The following CNST variants were observed in gnomAD, a reference collection of about 807,000 sequenced individuals.
The protein encoded by CNST is consortin, connexin sorting protein, also known as consortin.
In CNST, 39 loss-of-function variants were observed where a neutral mutation model predicts 72.4. The ratio of observed to expected loss-of-function variants is 0.54; its 90% CI spans 0.42 to 0.70. The LOEUF (loss-of-function observed/expected upper bound fraction) is 0.70, where lower values mean the gene tolerates loss of function less well. Among genes scored for constraint, CNST ranks in the 30% least tolerant of loss-of-function variants. CNST has a pLI of 0.00. For synonymous variants in CNST, 332 were observed against 320.1 expected (o/e 1.04, Z -0.40); for missense variants, 871 against 868.5 (o/e 1.00, Z -0.04).
chr1:246,652,678 A>G (rs1223217930), intron 9 of CNST, among the ~76,000 whole-genome samples: 1 of 152,158 alleles, frequency 6.6e-6, no homozygotes, highest in East Asian at 1.9e-4. Flanking sequence ...AATCTGAGGA[A>G]GAAGCCCTGT....
chr1:246,622,809 T>C (rs1346809848), intron 3 of CNST, among the ~76,000 whole-genome samples: 1 of 151,970 alleles, frequency 6.6e-6, no homozygotes, highest in East Asian at 1.9e-4. Context: ...TCTTATTTTT[T>C]ATTGTATTGT....
chr1:246,583,126 G>C (rs1227506047), intron 1 of CNST, among the ~76,000 whole-genome samples: 1 of 152,204 alleles, frequency 6.6e-6, no homozygotes, highest in Non-Finnish European at 1.5e-5. Flanking sequence ...ACCTTCATGA[G>C]TATTTTGTGT....
chr1:246,610,479 A>T (rs79816787), intron 2 of CNST, among the ~76,000 whole-genome samples: 1 of 151,996 alleles, frequency 6.6e-6, no homozygotes, highest in African/African-American at 2.4e-5. Context: ...TTTTCTGTCT[A>T]TGTATTTCTT....
chr1:246,571,515 A>G (rs1000361490), intron 1 of CNST, among the ~76,000 whole-genome samples: 1 of 152,144 alleles, frequency 6.6e-6, no homozygotes, highest in Non-Finnish European at 1.5e-5. Context: ...ACTTTTTGCC[A>G]TTATACCCTC....
chr1:246,582,356 CTT>C (rs35015648), intron 1 of CNST, among the ~76,000 whole-genome samples: 91 of 144,490 alleles, frequency 6.3e-4, no homozygotes, highest in Admixed American at 6.2e-4. Flanking sequence ...CACCTCCATG[CTT>C]TTTTTTTTTT....
At chr1:246,615,238 C>T (rs900938094) in intron 2 of CNST, among the ~76,000 whole-genome samples, 4 of 152,126 alleles carry the variant, frequency 2.6e-5, no homozygotes, top group Admixed American at 6.5e-5. Context: ...CGCAGTGGCG[C>T]GATCTCGGCT....
chr1:246,566,500 G>C lies in CNST; in HGVS notation c.-215G>C. The C allele has an allele frequency of 2.3e-6, 1 of 438,066 alleles. No individual in the cohort carries two copies. The allele number at this position is 438,066 out of a possible 1,614,324, so 27.1% of individuals were successfully genotyped here. On this transcript the variant is annotated 5_prime_UTR_variant, in exon 1 of 11. Coordinates refer to ENST00000366513, the MANE Select transcript of CNST (RefSeq NM_152609.3). The stretch of plus-strand genomic sequence containing the variant: ...CTCCAGCCGGCCAGCCGCGAGGGGT[G>C]CGCAGAGGGAGGCGGGGCGGAAAGG...
At chr1:246,648,086 C>A (rs752014841) in intron 9 of CNST, 49 bp downstream of exon 9, 9 of 1,540,794 alleles carry the variant, frequency 5.8e-6, no homozygotes, top group Non-Finnish European at 7.8e-6. Context: ...ATTTAAAAAA[C>A]ATATATATGT....
chr1:246,635,970 G>A (rs1665200119), intron 6 of CNST, among the ~76,000 whole-genome samples: 2 of 152,200 alleles, frequency 1.3e-5, no homozygotes, highest in South Asian at 4.1e-4. Context: ...GGAAGCTAGT[G>A]CTAAGGTAGC....
At chr1:246,617,034 C>T (rs886265665) in intron 2 of CNST, among the ~76,000 whole-genome samples, 4 of 152,156 alleles carry the variant, frequency 2.6e-5, no homozygotes, top group African/African-American at 7.2e-5. Flanking sequence ...TGTCAACTCA[C>T]AGCACATCAG....
chr1:246,591,736 G>A lies in CNST; in HGVS notation c.174G>A (p.Met58Ile), dbSNP rs775669079. Residue 58 changes from methionine to isoleucine, a missense_variant, in exon 2 of 11, where the codon ATG becomes ATA. By Grantham distance (10) the Met-to-Ile change is conservative. Coordinates refer to ENST00000366513, the MANE Select transcript of CNST (RefSeq NM_152609.3). Reference sequence around the variant, plus strand: ...ATCTGACCAGCAGTGACAGTGCGATGGGAAAGCCCCAAGTGTCTGAGCAGG... The same window carrying A: ...ATCTGACCAGCAGTGACAGTGCGATAGGAAAGCCCCAAGTGTCTGAGCAGG... ...HEHLTSSDSA[M>I]GKPQVSEQDS... 4 of 1,614,186 alleles carry A rather than the reference G, an allele frequency of 2.5e-6. No homozygotes were observed. Among genetic ancestry groups the A allele is most frequent in the South Asian group, 1.1e-5 (1 of 91,084 alleles).
Position 246,621,445 on chromosome 1 carries a change from T to TA in CNST, c.397dup (p.Ile133AsnfsTer18). On this transcript the variant is annotated frameshift_variant, in exon 3 of 11. Transcript: ENST00000366513. LOFTEE classifies it high-confidence loss of function. ...TTCTTAAAGGACTTTTTTCAGGAGA[T>TA]ATTGCACCTTTAATGCAAGAAAAAG... is the stretch of plus-strand genomic sequence containing the variant. The TA allele has an allele frequency of 6.2e-7, 1 of 1,613,550 alleles. No homozygotes were observed. The highest frequency in any genetic ancestry group is 8.5e-7 in the Non-Finnish European group (1 of 1,179,658).
At position 246,651,494 on chromosome 1, in the gene CNST, G is replaced by C. The variant is rs539923476; in HGVS notation, c.1836+3457G>C. Among the ~76,000 whole-genome samples the C allele has an allele frequency of 2.6e-5, 4 of 152,248 alleles. No individual in the cohort carries two copies. In the South Asian group the frequency reaches 8.3e-4, roughly 32 times the overall value. On this transcript the variant is annotated intron_variant, in intron 9 of 10. Transcript: ENST00000366513. ...CCCAGCCTTGGCTCCAGTGGAATTTGGTTTTGATCATCATTGCCAGCCCAG... is the reference window on the plus strand; with the variant it reads ...CCCAGCCTTGGCTCCAGTGGAATTTCGTTTTGATCATCATTGCCAGCCCAG...
intron 2 of CNST, among the ~76,000 whole-genome samples, chr1:246,592,860 T>C (rs1333550984): frequency 6.6e-6 from 1 of 152,240 alleles, no homozygotes; most frequent in Non-Finnish European, 1.5e-5. Context: ...AGTTGAAGTT[T>C]AGAGCTATGG....
In CNST at chr1:246,647,962, T is replaced by A; in HGVS notation, c.1761T>A (p.Ser587Arg). The change falls in exon 9 of 11, where the codon AGT (serine) becomes AGA (arginine). Residue 587 changes from serine to arginine, a missense_variant. By Grantham distance (110) the Ser-to-Arg change is moderately radical. Transcript: ENST00000366513. ...TCTCTCCTGAAGAAGCATCCTATAG[T>A]CTCCAGGAGAATCTGCCTTCTGATG... Reference protein sequence around the residue: ...QDLSPEEASYSLQENLPSDES... With the variant: ...QDLSPEEASYRLQENLPSDES... The A allele has an allele frequency of 6.2e-7, 1 of 1,613,794 alleles. No individual in the cohort carries two copies. The highest frequency in any genetic ancestry group is 8.5e-7 in the Non-Finnish European group (1 of 1,180,012).
At position 246,618,451 on chromosome 1, in the gene CNST, A is replaced by C. The variant is rs1420200761; in HGVS notation, c.380-2978A>C. ...GTTATCTCTGAAGCTCATGTTGTTTAAGGCCTGACAGATAATCCTTTTGTA... is the reference window on the plus strand; with the variant it reads ...GTTATCTCTGAAGCTCATGTTGTTTCAGGCCTGACAGATAATCCTTTTGTA... On this transcript the variant is annotated intron_variant, in intron 2 of 10. Transcript: ENST00000366513. 3.2e-4 allele frequency among the ~76,000 whole-genome samples: 48 copies of C among 152,190 alleles called. 1 individual carries two copies. Among genetic ancestry groups the C allele is most frequent in the Admixed American group, 3.1e-3 (48 of 15,274 alleles).
Position 246,567,522 on chromosome 1 carries a change from T to G in CNST, c.-52+859T>G, listed in dbSNP as rs923531072. ...AATACGTACAATCCTTTCTGCTTACTCTACTGAGAGTGTAATTGAGTTTGG... is the reference window on the plus strand; with the variant it reads ...AATACGTACAATCCTTTCTGCTTACGCTACTGAGAGTGTAATTGAGTTTGG... On this transcript the variant is annotated intron_variant, in intron 1 of 10. Transcript: ENST00000366513. 2.8e-4 allele frequency among the ~76,000 whole-genome samples: 42 copies of G among 152,310 alleles called. 1 individual carries two copies. Among genetic ancestry groups the G allele is most frequent in the African/African-American group, 9.4e-4 (39 of 41,570 alleles).
At chr1:246,629,511 G>T (rs116554315) in intron 3 of CNST, among the ~76,000 whole-genome samples, 2,387 of 152,230 alleles carry the variant, frequency 0.016, 24 homozygotes, top group Middle Eastern at 0.037. Flanking sequence ...GAAATCTGGT[G>T]ACATAATAGT....
chr1:246,652,184 T>G (rs1666481239), intron 9 of CNST, among the ~76,000 whole-genome samples: 1 of 152,248 alleles, frequency 6.6e-6, no homozygotes, highest in Admixed American at 6.5e-5. Context: ...AATCATGTGT[T>G]TGTTTGGTTC....
Sources: gnomAD v4.1 joint callset for allele counts (sites outside exome capture counted in the v4.1 genomes callset) on GRCh38, gnomAD v4.1.1 for gene constraint, MANE v1.5 for transcripts, NCBI Gene and HGNC (gene_info 2026-07-23, HGNC 2026-07-21) for gene names.